The following MRTFA variants were observed in gnomAD, a reference collection of about 807,000 sequenced individuals.
MRTFA encodes the protein myocardin-related transcription factor A.
MRTFA carries 20 observed loss-of-function variants against 83.5 expected under a neutral mutation model. The observed-to-expected ratio is 0.24, with a 90% CI of 0.17 to 0.35. MRTFA has a LOEUF of 0.35. Among genes scored for constraint, MRTFA ranks in the 10% least tolerant of loss-of-function variants. MRTFA has a pLI of 1.00. For missense variants in MRTFA, 1,200 were observed against 1,224.7 expected, an observed-to-expected ratio of 0.98 and a Z score of 0.30; for synonymous variants, 659 against 541.2, an observed-to-expected ratio of 1.22 and a Z score of -3.02.
intron 1 of MRTFA, among the ~76,000 whole-genome samples, chr22:40,634,125 C>T (rs543669245): frequency 2.0e-5 from 3 of 151,744 alleles, no homozygotes; most frequent in South Asian, 2.1e-4. Flanking sequence ...AGGGTCTCAC[C>T]GCACATTCAG....
intron 3 of MRTFA, among the ~76,000 whole-genome samples, chr22:40,529,286 G>GAA (rs957591050): frequency 2.0e-5 from 3 of 152,120 alleles, no homozygotes; most frequent in African/African-American, 7.2e-5. Flanking sequence ...AGGTATCAAG[G>GAA]AAAAGAGAGA....
chr22:40,528,092 T>A (rs1259033070), intron 3 of MRTFA, among the ~76,000 whole-genome samples: 3 of 152,158 alleles, frequency 2.0e-5, no homozygotes, highest in African/African-American at 7.2e-5. Flanking sequence ...GAGATCATCA[T>A]TAAAGTATGA....
chr22:40,614,348 T>A (rs1238453772), intron 1 of MRTFA, among the ~76,000 whole-genome samples: 3 of 151,510 alleles, frequency 2.0e-5, no homozygotes, highest in Non-Finnish European at 2.9e-5. Flanking sequence ...GAGGTCAAGG[T>A]TGCAGTTAAC....
intron 3 of MRTFA, among the ~76,000 whole-genome samples, chr22:40,505,737 C>G (rs1192846383): frequency 6.6e-6 from 1 of 152,296 alleles, no homozygotes; most frequent in East Asian, 1.9e-4. Context: ...ACACAGCGTT[C>G]TTCTTCCCCT....
At chr22:40,607,516 A>G (rs1053215832) in intron 1 of MRTFA, among the ~76,000 whole-genome samples, 14 of 152,026 alleles carry the variant, frequency 9.2e-5, no homozygotes, top group Admixed American at 8.5e-4. Flanking sequence ...AAAAAAAAAA[A>G]AAAGAACAAC....
chr22:40,517,304 A>G (rs1156372513), intron 3 of MRTFA, among the ~76,000 whole-genome samples: 1 of 152,174 alleles, frequency 6.6e-6, no homozygotes, highest in Non-Finnish European at 1.5e-5. Flanking sequence ...TCTGGCAGGG[A>G]AAGATAAAAC....
chr22:40,477,255 CAGG>C (rs1372341858), intron 3 of MRTFA, among the ~76,000 whole-genome samples: 11 of 150,224 alleles, frequency 7.3e-5, no homozygotes, highest in African/African-American at 2.7e-4. Flanking sequence ...GAGGGTGAGG[CAGG>C]AGAATAGCTT....
chr22:40,468,121 G>C (rs2053838989), intron 3 of MRTFA, among the ~76,000 whole-genome samples: 1 of 152,222 alleles, frequency 6.6e-6, no homozygotes, highest in African/African-American at 2.4e-5. Context: ...AAGCCAAGGA[G>C]TGACCTTAAT....
chr22:40,464,309 G>GAAAAA (rs398040500), intron 3 of MRTFA, among the ~76,000 whole-genome samples: 23 of 56,240 alleles, frequency 4.1e-4, no homozygotes, highest in Non-Finnish European at 4.3e-4. Context: ...GCTGTCTCAG[G>GAAAAA]AAAAAAAAAA....
At chr22:40,626,646 T>C (rs2056585260) in intron 1 of MRTFA, among the ~76,000 whole-genome samples, 1 of 152,146 alleles carries the variant, frequency 6.6e-6, no homozygotes, top group African/African-American at 2.4e-5. Flanking sequence ...TATATACACA[T>C]ATATATGGCA....
At chr22:40,590,918 A>G (rs1455536128) in intron 2 of MRTFA, among the ~76,000 whole-genome samples, 1 of 151,614 alleles carries the variant, frequency 6.6e-6, no homozygotes, top group Non-Finnish European at 1.5e-5. Flanking sequence ...CAGATCACAA[A>G]GTCAAGAAAT....
At chr22:40,471,322 G>A (rs970725901) in intron 3 of MRTFA, among the ~76,000 whole-genome samples, 4 of 150,468 alleles carry the variant, frequency 2.7e-5, no homozygotes, top group African/African-American at 9.8e-5. Flanking sequence ...AGAATCGCTT[G>A]AACCTGGGAG....
chr22:40,533,736 C>G (rs929971404), intron 3 of MRTFA: 1 of 577,066 alleles, frequency 1.7e-6, no homozygotes, highest in Non-Finnish European at 2.6e-6. Flanking sequence ...CAATCTGATG[C>G]CTTATGCTCA....
intron 3 of MRTFA, chr22:40,522,516 G>A (rs1176343318): frequency 6.6e-6 from 1 of 152,282 alleles, no homozygotes; most frequent in Non-Finnish European, 1.5e-5. Flanking sequence ...ACTCATAATT[G>A]TGCAGGATGG....
intron 3 of MRTFA, among the ~76,000 whole-genome samples, chr22:40,509,806 A>G (rs1294486724): frequency 6.6e-6 from 1 of 152,072 alleles, no homozygotes; most frequent in Non-Finnish European, 1.5e-5. Context: ...GAATTTGAGA[A>G]AAAATACTGC....
chr22:40,579,844 G>C (rs1207780617), intron 2 of MRTFA, among the ~76,000 whole-genome samples: 1 of 146,714 alleles, frequency 6.8e-6, no homozygotes, highest in African/African-American at 2.5e-5. Context: ...TGGGCAACAA[G>C]AGCGAAACTC....
intron 2 of MRTFA, among the ~76,000 whole-genome samples, chr22:40,575,691 G>A (rs1353336011): frequency 6.6e-6 from 1 of 152,124 alleles, no homozygotes; most frequent in Non-Finnish European, 1.5e-5. Flanking sequence ...TTTAGTCAAA[G>A]CATCTGATTT....
chr22:40,439,032 A>G (rs1718043241), intron 4 of MRTFA, among the ~76,000 whole-genome samples: 1 of 152,240 alleles, frequency 6.6e-6, no homozygotes, highest in African/African-American at 2.4e-5. Context: ...GGTAGGTAAT[A>G]TCCCATTTTA....
chr22:40,466,300 C>CT (rs1221287407), intron 3 of MRTFA, among the ~76,000 whole-genome samples: 3 of 152,178 alleles, frequency 2.0e-5, no homozygotes, highest in Admixed American at 1.3e-4. Flanking sequence ...GACTGTCATG[C>CT]TTTTAACTTA....
Sources: gnomAD v4.1 joint callset for allele counts (sites outside exome capture counted in the v4.1 genomes callset) on GRCh38, gnomAD v4.1.1 for gene constraint, MANE v1.5 for transcripts, NCBI Gene and HGNC (gene_info 2026-07-23, HGNC 2026-07-21) for gene names.